NSD2: variants seen among roughly 807,000 people sequenced by gnomAD.
NSD2 encodes the protein histone-lysine N-methyltransferase NSD2.
NSD2 carries 12 observed loss-of-function variants against 139.0 expected under a neutral mutation model. The ratio of observed to expected loss-of-function variants is 0.09; its 90% confidence interval spans 0.06 to 0.14. The LOEUF (loss-of-function observed/expected upper bound fraction) is 0.14. Ranked by LOEUF, NSD2 falls within the 10% of genes least tolerant of loss-of-function variation. The pLI is 1.00. For missense variants in NSD2, 1,155 were observed against 1,745.0 expected (o/e 0.66, Z 6.02); for synonymous variants, 669 against 648.7 (o/e 1.03, Z -0.48).
chr4:1,886,701 G>A (rs1311847233), intron 1 of NSD2, among the ~76,000 whole-genome samples: 1 of 151,990 alleles, frequency 6.6e-6, no homozygotes, highest in African/African-American at 2.4e-5. Context: ...AGCCAGGCGT[G>A]GTGGCGTGCA....
At position 1,904,383 on chromosome 4, in the gene NSD2, T is replaced by C. The variant is rs1217320759; in HGVS notation, c.760+5T>C. The C allele has an allele frequency of 1.2e-6, 2 of 1,603,966 alleles. No homozygotes were observed. On this transcript the variant is annotated splice_donor_5th_base_variant and intron_variant, in intron 3 of 21. Coordinates refer to ENST00000508803, the MANE Select transcript of NSD2 (RefSeq NM_001042424.3). ...ACAGCTATACCAAACTTAAAGGTAT[T>C]GTGTTCTTTGGGTTGTTTTTCCAAC...
chr4:1,954,372 CT>C (rs1243757705), intron 12 of NSD2, among the ~76,000 whole-genome samples: 1 of 151,804 alleles, frequency 6.6e-6, no homozygotes, highest in Non-Finnish European at 1.5e-5. Flanking sequence ...GACCTCTTTT[CT>C]TTTTTTTGAG....
intron 18 of NSD2, among the ~76,000 whole-genome samples, chr4:1,962,787 T>G (rs2108982750): frequency 6.6e-6 from 1 of 152,254 alleles, no homozygotes; most frequent in Admixed American, 6.5e-5. Context: ...CCTCTCACCT[T>G]GGCCTCCTGA....
chr4:1,922,865 G>A (rs967571880), intron 5 of NSD2, among the ~76,000 whole-genome samples: 1 of 152,208 alleles, frequency 6.6e-6, no homozygotes, highest in Non-Finnish European at 1.5e-5. Context: ...GGCGGAGGTT[G>A]CAGTGAGCTG....
intron 5 of NSD2, among the ~76,000 whole-genome samples, chr4:1,928,499 G>A (rs577721443): frequency 3.9e-5 from 6 of 152,250 alleles, no homozygotes; most frequent in South Asian, 2.1e-4. Context: ...CAGTTTCACC[G>A]TGAAGCTCGG....
At position 1,956,109 on chromosome 4, in the gene NSD2, G is replaced by A. The variant is rs377280139; in HGVS notation, c.2802G>A (p.Ala934=). The change falls in exon 15 of 22, where the codon GCG becomes GCA. Residue 934 remains alanine, a synonymous_variant. Transcript: ENST00000508803. This position sits in a 1 kb window ranked among gnomAD's most constrained non-coding sequence, Gnocchi z 5.3. ...AAGATTATTACTGGACGCATCAGGC[G>A]CGAGTGTTCCCGTACATGGAGGGGG... is the stretch of plus-strand genomic sequence containing the variant. The part of the protein sequence containing the change: ...GSKDYYWTHQ[A]RVFPYMEGDR... 35 of 1,613,786 alleles carry A rather than the reference G, an allele frequency of 2.2e-5. No individual in the cohort carries two copies. The highest frequency in any genetic ancestry group is 2.7e-5 in the Non-Finnish European group (32 of 1,180,050).
chr4:1,913,663 G>A (rs190382907), intron 3 of NSD2, among the ~76,000 whole-genome samples: 2 of 152,234 alleles, frequency 1.3e-5, no homozygotes, highest in Admixed American at 6.5e-5. Context: ...CACATGACTC[G>A]CTTGACCTTA....
At chr4:1,968,858 T>A (rs1044226959) in intron 18 of NSD2, among the ~76,000 whole-genome samples, 4 of 152,212 alleles carry the variant, frequency 2.6e-5, no homozygotes, top group Admixed American at 6.5e-5. Context: ...CTAAAGGTAG[T>A]GTTCAAAGAA....
intron 2 of NSD2, among the ~76,000 whole-genome samples, chr4:1,903,983 G>A (rs1717550918): frequency 6.6e-6 from 1 of 152,034 alleles, no homozygotes; most frequent in Non-Finnish European, 1.5e-5. Flanking sequence ...ATCCGCCCAC[G>A]TTGGCCTCCC....
In NSD2 at chr4:1,976,209, G is replaced by T; in HGVS notation, c.3622-266G>T. 2 of 471,798 alleles carry T rather than the reference G, an allele frequency of 4.2e-6. No homozygotes were observed. The highest frequency in any genetic ancestry group is 4.6e-5 in the South Asian group (2 of 43,252). The allele number at this position is 471,798 out of a possible 1,614,324, so 29.2% of individuals were successfully genotyped here. On this transcript the variant is annotated intron_variant, in intron 20 of 21. Coordinates refer to ENST00000508803, the MANE Select transcript of NSD2 (RefSeq NM_001042424.3). The surrounding 1 kb of genome is among the most constrained non-coding windows in gnomAD (Gnocchi z 5.3). Reference sequence around the variant, plus strand: ...CCATCAGCAGATCCTGGAGCTGTGTGTCTGCTGAGATGCTGCTGAGATGCG... The same window carrying T: ...CCATCAGCAGATCCTGGAGCTGTGTTTCTGCTGAGATGCTGCTGAGATGCG...
At chr4:1,944,804 G>A in intron 9 of NSD2, 2 of 1,063,660 alleles carry the variant, frequency 1.9e-6, no homozygotes, top group African/African-American at 1.6e-5. Context: ...TTTCCTCAGT[G>A]TTCATGCAAA....
chr4:1,930,866 A>C, intron 6 of NSD2, 96 bp downstream of exon 6: 1 of 1,431,072 alleles, frequency 7.0e-7, no homozygotes, highest in Non-Finnish European at 9.3e-7. Flanking sequence ...AAGTGTGTCC[A>C]CTCTCCCTGT....
chr4:1,957,220 G>A lies in NSD2; in HGVS notation c.2882-713G>A, dbSNP rs559928021. On this transcript the variant is annotated intron_variant, in intron 15 of 21. Transcript: ENST00000508803. ...GTGTGTTTCCTCGGTTCTTGCTTGA[G>A]CCTATGGTTAATCTCTCAGAACCCC... 2.0e-5 allele frequency among the ~76,000 whole-genome samples: 3 copies of A among 152,186 alleles called. No individual in the cohort carries two copies. The East Asian group carries it at 5.8e-4, about 29-fold the overall frequency.
chr4:1,951,443 T>TACACACACACACACACACACACACACAC (rs71167763), intron 10 of NSD2, among the ~76,000 whole-genome samples: 2 of 101,030 alleles, frequency 2.0e-5, no homozygotes, highest in African/African-American at 4.0e-5. Flanking sequence ...CATCATGTAA[T>TACACACACACACACACACACACACACAC]ACACACACAC....
chr4:1,871,449 C>A lies in NSD2; in HGVS notation c.-123C>A. 1 of 148,202 alleles carries A rather than the reference C, an allele frequency of 6.7e-6. No individual in the cohort carries two copies. The highest frequency in any genetic ancestry group is 1.8e-4 in the South Asian group (1 of 5,516). The allele number at this position is 148,202 out of a possible 1,614,324, so 9.2% of individuals were successfully genotyped here. A position where few individuals can be genotyped will look rare whatever the true frequency, so the allele number is the denominator to read the frequency against. Reference sequence around the variant, plus strand: ...CGCTGCGCCCGCCGCCGCCGCCGCCCCCTCCCCGCCTGGGCCCTACCGCCG... The same window carrying A: ...CGCTGCGCCCGCCGCCGCCGCCGCCACCTCCCCGCCTGGGCCCTACCGCCG... On this transcript the variant is annotated 5_prime_UTR_variant, in exon 1 of 22. Transcript: ENST00000508803.
Position 1,961,017 on chromosome 4 carries a change from C to A in NSD2, c.3256-18C>A. On this transcript the variant is annotated intron_variant, in intron 17 of 21. Coordinates refer to ENST00000508803, the MANE Select transcript of NSD2 (RefSeq NM_001042424.3). ...GTCAGCACGCTTTTTGTCATGGCCA[C>A]ATGCTTGTGATTTCCAGGGAGAATT... The A allele has an allele frequency of 5.6e-6, 9 of 1,605,962 alleles. No individual in the cohort carries two copies. The highest frequency in any genetic ancestry group is 7.7e-6 in the Non-Finnish European group (9 of 1,173,160).
rs1717606424 is a variant in NSD2 at position 1,904,393 on chromosome 4, G to C, written c.760+15G>C. 1.3e-6 allele frequency: 2 copies of C among 1,588,992 alleles called. No homozygotes were observed. The highest frequency in any genetic ancestry group is 1.7e-6 in the Non-Finnish European group (2 of 1,165,994). ...CAAACTTAAAGGTATTGTGTTCTTTGGGTTGTTTTTCCAACTTTCTCTTCT... is the reference window on the plus strand; with the variant it reads ...CAAACTTAAAGGTATTGTGTTCTTTCGGTTGTTTTTCCAACTTTCTCTTCT... On this transcript the variant is annotated intron_variant, in intron 3 of 21. Coordinates refer to ENST00000508803, the MANE Select transcript of NSD2 (RefSeq NM_001042424.3).
intron 18 of NSD2, among the ~76,000 whole-genome samples, chr4:1,968,259 TTG>T (rs1438161449): frequency 2.0e-5 from 3 of 152,136 alleles, no homozygotes; most frequent in Non-Finnish European, 4.4e-5. Flanking sequence ...ACAGACAAGT[TTG>T]TGGGTATGTG....
At chr4:1,945,144 A>G (rs1723486522) in intron 9 of NSD2, 1 of 1,063,742 alleles carries the variant, frequency 9.4e-7, no homozygotes, top group African/African-American at 1.6e-5. Flanking sequence ...GGGAGATCTG[A>G]TTTTGTGTTT....
Sources: gnomAD v4.1 joint callset for allele counts (sites outside exome capture counted in the v4.1 genomes callset) on GRCh38, gnomAD v4.1.1 for gene constraint, Gnocchi (gnomAD v3.1) non-coding constraint, MANE v1.5 for transcripts, NCBI Gene and HGNC (gene_info 2026-07-23, HGNC 2026-07-21) for gene names.